Variants in NINL observed in about 807,000 individuals in gnomAD.
NINL encodes ninein like, also known as ninein-like protein.
Under a neutral mutation model 160.3 loss-of-function variants are expected in NINL, and 153 were observed. The observed-to-expected ratio is 0.95, with a 90% CI of 0.84 to 1.09. The LOEUF is 1.09. Ranked by LOEUF, NINL falls within the 50% of genes least tolerant of loss-of-function variation. The pLI is 0.00. For synonymous variants in NINL, 800 were observed against 734.8 expected (o/e 1.09, Z -1.43); for missense variants, 1,829 against 1,764.0 (o/e 1.04, Z -0.66).
intron 2 of NINL, among the ~76,000 whole-genome samples, chr20:25,520,443 C>T (rs191214374): frequency 3.3e-5 from 5 of 152,306 alleles, no homozygotes; most frequent in African/African-American, 9.6e-5. Flanking sequence ...ACACCTCTGC[C>T]TGGGACACAC....
At chr20:25,478,818 A>G in intron 16 of NINL, 105 bp downstream of exon 16, 1 of 1,356,996 alleles carries the variant, frequency 7.4e-7, no homozygotes, top group Non-Finnish European at 9.9e-7. Flanking sequence ...AAAACCACCC[A>G]GTCGGGAGGC....
chr20:25,525,821 C>T (rs915008564), intron 2 of NINL, among the ~76,000 whole-genome samples: 6 of 152,094 alleles, frequency 3.9e-5, no homozygotes, highest in Non-Finnish European at 5.9e-5. Context: ...AAGCAGGTTG[C>T]AGTCTAGGAC....
intron 3 of NINL, among the ~76,000 whole-genome samples, chr20:25,514,014 G>A (rs1400666754): frequency 6.6e-6 from 1 of 152,208 alleles, no homozygotes; most frequent in African/African-American, 2.4e-5. Context: ...TGAAAATGTG[G>A]AAACAGCTTT....
Position 25,472,711 on chromosome 20 carries a change from T to C in NINL, c.3249-2616A>G, listed in dbSNP as rs985093120. On this transcript the variant is annotated intron_variant, in intron 17 of 23. Coordinates refer to ENST00000278886, the MANE Select transcript of NINL (RefSeq NM_025176.6). ...GTGTGACTAATTTTTCTTAAGTTTT[T>C]GTAGAAAACAGTCTCCTTATGTTGC... Among the ~76,000 whole-genome samples, 7 of 151,946 alleles carry C rather than the reference T, an allele frequency of 4.6e-5. 1 individual carries two copies. The highest frequency in any genetic ancestry group is 2.0e-4 in the Admixed American group (3 of 15,240).
chr20:25,507,716 C>T (rs757806310), intron 5 of NINL, among the ~76,000 whole-genome samples: 1 of 152,192 alleles, frequency 6.6e-6, no homozygotes, highest in Non-Finnish European at 1.5e-5. Flanking sequence ...AGACTGTGTG[C>T]TCACAAATGA....
chr20:25,570,063 C>G (rs1449278522), intron 1 of NINL, among the ~76,000 whole-genome samples: 2 of 151,678 alleles, frequency 1.3e-5, no homozygotes, highest in African/African-American at 4.8e-5. Context: ...ACCTGTAGTC[C>G]CAGCTACTTG....
intron 1 of NINL, among the ~76,000 whole-genome samples, chr20:25,550,677 T>C (rs942281993): frequency 6.6e-6 from 1 of 152,208 alleles, no homozygotes; most frequent in Admixed American, 6.5e-5. Context: ...ATAGGCCAGA[T>C]TTATGTTTGA....
intron 1 of NINL, among the ~76,000 whole-genome samples, chr20:25,560,311 A>G (rs552102518): frequency 6.6e-6 from 1 of 152,330 alleles, no homozygotes; most frequent in African/African-American, 2.4e-5. Flanking sequence ...ACTCCCTTTC[A>G]TTATAACCAG....
intron 23 of NINL, among the ~76,000 whole-genome samples, chr20:25,454,666 C>T (rs142322701): frequency 6.7e-4 from 102 of 152,300 alleles, no homozygotes; most frequent in Non-Finnish European, 7.4e-5. Flanking sequence ...TTAATCCTAA[C>T]ACTGAATGTG....
chr20:25,504,063 G>A lies in NINL; in HGVS notation c.750C>T (p.Asp250=), dbSNP rs141477587. 9.8e-5 allele frequency: 158 copies of A among 1,604,098 alleles called. No individual in the cohort carries two copies. The highest frequency in any genetic ancestry group is 1.2e-4 in the Non-Finnish European group (139 of 1,176,030). ...GGAATTCCTCAAGACTCACTTTGCC[G>A]TCTCCGTCTTGATCCAGTTTGTTAA... ...DLFNKLDQDG[D]GKVSLEEFQL... The change falls in exon 7 of 24, where the codon GAC becomes GAT. Residue 250 remains aspartate, a synonymous_variant. Coordinates refer to ENST00000278886, the MANE Select transcript of NINL (RefSeq NM_025176.6).
intron 1 of NINL, among the ~76,000 whole-genome samples, chr20:25,568,048 C>A (rs1191061559): frequency 6.6e-6 from 1 of 151,106 alleles, no homozygotes; most frequent in Non-Finnish European, 1.5e-5. Context: ...TAAACTGAAG[C>A]AAGCAGAAGA....
chr20:25,505,694 C>G lies in NINL; in HGVS notation c.518-616G>C, dbSNP rs548802382. On this transcript the variant is annotated intron_variant, in intron 5 of 23. Coordinates refer to ENST00000278886, the MANE Select transcript of NINL (RefSeq NM_025176.6). Reference sequence around the variant, plus strand: ...GAAGCACAGCAATGCTGGTCAGTGACTCTGAAATCAGATGGATTGATGGAT... The same window carrying G: ...GAAGCACAGCAATGCTGGTCAGTGAGTCTGAAATCAGATGGATTGATGGAT... Among the ~76,000 whole-genome samples the G allele has an allele frequency of 1.2e-4, 19 of 152,284 alleles. No homozygotes were observed. The South Asian group carries it at 3.9e-3, about 32-fold the overall frequency.
At chr20:25,568,491 C>T (rs2065018952) in intron 1 of NINL, among the ~76,000 whole-genome samples, 1 of 151,960 alleles carries the variant, frequency 6.6e-6, no homozygotes, top group Non-Finnish European at 1.5e-5. Flanking sequence ...TCATAGCAGC[C>T]TCAACCTCCT....
At position 25,578,134 on chromosome 20, in the gene NINL, G is replaced by A. The variant is rs531915897; in HGVS notation, c.-12+7321C>T. On this transcript the variant is annotated intron_variant, in intron 1 of 23. Coordinates refer to ENST00000278886, the MANE Select transcript of NINL (RefSeq NM_025176.6). ...GGCGTGATTTTTTTTTTTTTTAGAC[G>A]GAATCTCACTCTGGCGCCCATGGAG... Among the ~76,000 whole-genome samples, 6 of 149,168 alleles carry A rather than the reference G, an allele frequency of 4.0e-5. No individual in the cohort carries two copies. The South Asian group carries it at 1.3e-3, about 32-fold the overall frequency.
At chr20:25,530,566 G>T (rs373045063) in intron 1 of NINL, among the ~76,000 whole-genome samples, 1 of 152,012 alleles carries the variant, frequency 6.6e-6, no homozygotes, top group Non-Finnish European at 1.5e-5. Flanking sequence ...TTTCACATAG[G>T]TTCTTTTCTA....
intron 1 of NINL, among the ~76,000 whole-genome samples, chr20:25,554,534 CAGCACTTT>C (rs1185518369): frequency 6.7e-6 from 1 of 149,406 alleles, no homozygotes; most frequent in Non-Finnish European, 1.5e-5. Context: ...CCTGTAATCC[CAGCACTTT>C]GGGAGGCCGG....
intron 1 of NINL, among the ~76,000 whole-genome samples, chr20:25,530,687 C>A (rs1348804561): frequency 2.0e-5 from 3 of 151,968 alleles, no homozygotes; most frequent in Non-Finnish European, 2.9e-5. Flanking sequence ...TTCCGTGATG[C>A]CCCCCAAGCT....
rs1438416187 is a variant in NINL, at chr20:25,546,240, A to T, written c.-11-19642T>A. ...TTTTCCATTAACACCTTCACAGCAT[A>T]CACTTGAGTTTTTAAGGTTGAGCAG... On this transcript the variant is annotated intron_variant, in intron 1 of 23. Transcript: ENST00000278886. Among the ~76,000 whole-genome samples the T allele has an allele frequency of 3.3e-5, 5 of 152,270 alleles. No individual in the cohort carries two copies. The East Asian group carries it at 9.7e-4, about 29-fold the overall frequency.
chr20:25,504,491 C>T (rs1012169889), intron 6 of NINL, among the ~76,000 whole-genome samples: 1 of 152,214 alleles, frequency 6.6e-6, no homozygotes, highest in Non-Finnish European at 1.5e-5. Flanking sequence ...GCCTCCCACC[C>T]AGGAGGAGAA....
Sources: gnomAD v4.1 joint callset for allele counts (sites outside exome capture counted in the v4.1 genomes callset) on GRCh38, gnomAD v4.1.1 for gene constraint, MANE v1.5 for transcripts, NCBI Gene and HGNC (gene_info 2026-07-23, HGNC 2026-07-21) for gene names.